Variants in LRMDA observed in about 807,000 individuals in gnomAD.
LRMDA encodes the protein leucine-rich melanocyte differentiation-associated protein.
Under a neutral mutation model 29.8 loss-of-function variants are expected in LRMDA, and 18 were observed. The observed-to-expected ratio is 0.60, with a 90% CI of 0.42 to 0.90. The LOEUF (loss-of-function observed/expected upper bound fraction) is 0.90, where lower values mean the gene tolerates loss of function less well. LRMDA is among the 40% of genes least tolerant of loss of function. The probability of loss-of-function intolerance (pLI) is 0.00; values close to 1 mark genes in which losing one functional copy is unlikely to be tolerated. For missense variants in LRMDA, 273 were observed against 273.9 expected, an observed-to-expected ratio of 1.00 and a Z score of 0.02; for synonymous variants, 125 against 109.4, an observed-to-expected ratio of 1.14 and a Z score of -0.89.
At chr10:76,435,844 G>A (rs1435247783) in intron 6 of LRMDA, among the ~76,000 whole-genome samples, 4 of 152,118 alleles carry the variant, frequency 2.6e-5, no homozygotes, top group Non-Finnish European at 4.4e-5. Flanking sequence ...TCTCTCATAG[G>A]TCCTGCTAAC....
intron 5 of LRMDA, among the ~76,000 whole-genome samples, chr10:76,206,428 C>T (rs1851538412): frequency 1.3e-5 from 2 of 152,222 alleles, no homozygotes; most frequent in Non-Finnish European, 2.9e-5. Flanking sequence ...TAATAAATTA[C>T]AGTAGTACAG....
chr10:75,897,856 G>A (rs998793371), intron 2 of LRMDA, among the ~76,000 whole-genome samples: 5 of 110,324 alleles, frequency 4.5e-5, no homozygotes, highest in Non-Finnish European at 6.7e-5. Context: ...GGAGTCTCAC[G>A]TTGTTGCCCA....
intron 2 of LRMDA, among the ~76,000 whole-genome samples, chr10:75,534,006 G>C (rs1176004523): frequency 6.6e-6 from 1 of 152,208 alleles, no homozygotes; most frequent in Non-Finnish European, 1.5e-5. Context: ...GGGCAGGTGG[G>C]TGGATCCAGT....
At chr10:76,415,959 A>G (rs1156319163) in intron 6 of LRMDA, among the ~76,000 whole-genome samples, 1 of 152,218 alleles carries the variant, frequency 6.6e-6, no homozygotes. Flanking sequence ...GCTTTTAATC[A>G]GCTCACACAT....
intron 2 of LRMDA, among the ~76,000 whole-genome samples, chr10:75,682,990 T>C (rs556231218): frequency 4.6e-5 from 7 of 152,322 alleles, no homozygotes; most frequent in South Asian, 2.1e-4. Context: ...AAAACTTTCA[T>C]CTGCTTTAAT....
intron 2 of LRMDA, among the ~76,000 whole-genome samples, chr10:75,750,392 C>CTG (rs1250474436): frequency 1.3e-5 from 2 of 151,854 alleles, no homozygotes; most frequent in African/African-American, 4.8e-5. Context: ...CTCCTCACCT[C>CTG]CCAGACGGGG....
intron 2 of LRMDA, among the ~76,000 whole-genome samples, chr10:76,015,902 A>G (rs1847872005): frequency 1.3e-5 from 2 of 152,248 alleles, no homozygotes; most frequent in South Asian, 4.1e-4. Context: ...ATGATTTTCA[A>G]GTCTCATCTC....
intron 6 of LRMDA, among the ~76,000 whole-genome samples, chr10:76,370,198 G>A (rs928429313): frequency 6.6e-6 from 1 of 151,888 alleles, no homozygotes. Flanking sequence ...ATTTGCTTTA[G>A]TGTAATCAAA....
intron 2 of LRMDA, among the ~76,000 whole-genome samples, chr10:75,543,375 C>T (rs1356636360): frequency 6.6e-6 from 1 of 152,040 alleles, no homozygotes; most frequent in East Asian, 1.9e-4. Context: ...AGAGATATTA[C>T]TTTGGAATAC....
chr10:75,603,419 T>A (rs1009694860), intron 2 of LRMDA, among the ~76,000 whole-genome samples: 2 of 152,202 alleles, frequency 1.3e-5, no homozygotes, highest in South Asian at 2.1e-4. Context: ...AGTAGAAGTC[T>A]GAGTGTTTTT....
At chr10:76,009,534 G>T (rs908684983) in intron 2 of LRMDA, among the ~76,000 whole-genome samples, 5 of 152,078 alleles carry the variant, frequency 3.3e-5, no homozygotes, top group African/African-American at 1.2e-4. Context: ...TGGATTGCGG[G>T]CCAGGAGCTC....
intron 2 of LRMDA, among the ~76,000 whole-genome samples, chr10:75,556,404 T>C (rs1028442742): frequency 1.3e-5 from 2 of 152,154 alleles, no homozygotes; most frequent in Non-Finnish European, 2.9e-5. Flanking sequence ...GAATTCTCTA[T>C]CCAGAAGTAT....
chr10:76,472,163 T>A, intron 6 of LRMDA, among the ~76,000 whole-genome samples: 1 of 151,852 alleles, frequency 6.6e-6, no homozygotes, highest in East Asian at 1.9e-4. Flanking sequence ...GGATAGACCA[T>A]ATATTAGGCC....
intron 2 of LRMDA, among the ~76,000 whole-genome samples, chr10:75,679,843 C>A (rs1842003159): frequency 6.6e-6 from 1 of 152,052 alleles, no homozygotes; most frequent in African/African-American, 2.4e-5. Flanking sequence ...AATAACATCT[C>A]CTTCTTTGGA....
intron 2 of LRMDA, among the ~76,000 whole-genome samples, chr10:75,916,430 G>C (rs1845936229): frequency 6.6e-6 from 1 of 152,086 alleles, no homozygotes. Flanking sequence ...ACCTGGATGG[G>C]ATGGCTATTT....
intron 2 of LRMDA, among the ~76,000 whole-genome samples, chr10:75,905,677 T>C (rs2132371023): frequency 6.6e-6 from 1 of 152,290 alleles, no homozygotes; most frequent in Middle Eastern, 3.4e-3. Flanking sequence ...GGGAGTAGCA[T>C]GGTGCTAACC....
intron 2 of LRMDA, among the ~76,000 whole-genome samples, chr10:75,692,220 ATATATATATATATATATATATAT>A (rs1487752055): frequency 4.9e-5 from 3 of 61,310 alleles, no homozygotes; most frequent in Admixed American, 3.8e-4. Flanking sequence ...AAAAAAAAAA[ATATATATATATATATATATATAT>A]ATATACATAT....
intron 5 of LRMDA, among the ~76,000 whole-genome samples, chr10:76,184,033 ATT>A (rs35911382): frequency 7.5e-5 from 10 of 133,944 alleles, no homozygotes; most frequent in South Asian, 2.3e-4. Flanking sequence ...TACTTTATTT[ATT>A]TTTTTTTTTT....
chr10:75,929,231 G>A (rs1329770108), intron 2 of LRMDA, among the ~76,000 whole-genome samples: 3 of 152,012 alleles, frequency 2.0e-5, no homozygotes, highest in African/African-American at 7.3e-5. Context: ...AACATGGATG[G>A]ATGCAGGCTT....
Sources: allele counts gnomAD v4.1 joint callset (sites outside exome capture counted in the v4.1 genomes callset), GRCh38; gene constraint gnomAD v4.1.1; transcripts MANE v1.5; gene names NCBI Gene and HGNC (gene_info 2026-07-23, HGNC 2026-07-21).